Variants in ADAM12 observed in about 807,000 individuals in gnomAD.
ADAM12 encodes the protein disintegrin and metalloproteinase domain-containing protein 12.
In ADAM12, 70 loss-of-function variants were observed where a neutral mutation model predicts 106.4. The ratio of observed to expected loss-of-function variants is 0.66; its 90% CI spans 0.54 to 0.80. The LOEUF (loss-of-function observed/expected upper bound fraction) is 0.80, where lower values mean the gene tolerates loss of function less well. Among genes scored for constraint, ADAM12 ranks in the 30% least tolerant of loss-of-function variants. The pLI is 0.00. For missense variants in ADAM12, 1,010 were observed against 1,171.9 expected, an observed-to-expected ratio of 0.86 and a Z score of 2.02; for synonymous variants, 420 against 433.5, an observed-to-expected ratio of 0.97 and a Z score of 0.39.
chr10:126,211,929 C>G (rs1404367320), intron 3 of ADAM12, among the ~76,000 whole-genome samples: 2 of 152,218 alleles, frequency 1.3e-5, no homozygotes, highest in Non-Finnish European at 2.9e-5. Flanking sequence ...TTACTTGAAA[C>G]AAATCTGTCC....
intron 6 of ADAM12, among the ~76,000 whole-genome samples, chr10:126,117,167 T>C (rs895422540): frequency 6.6e-6 from 1 of 152,236 alleles, no homozygotes; most frequent in African/African-American, 2.4e-5. Flanking sequence ...TCCAGCCAAA[T>C]GTTGGGAACG....
chr10:126,220,424 C>G (rs968623071), intron 3 of ADAM12, among the ~76,000 whole-genome samples: 1 of 152,042 alleles, frequency 6.6e-6, no homozygotes, highest in Non-Finnish European at 1.5e-5. Flanking sequence ...TTTGTTGTGC[C>G]TGGAGAGGAG....
At chr10:126,149,283 C>T (rs1956686763) in intron 4 of ADAM12, among the ~76,000 whole-genome samples, 1 of 152,224 alleles carries the variant, frequency 6.6e-6, no homozygotes, top group Non-Finnish European at 1.5e-5. Flanking sequence ...GGGCTGTTTA[C>T]TAAGATGCCT....
intron 1 of ADAM12, among the ~76,000 whole-genome samples, chr10:126,366,458 TA>T (rs74764346): frequency 0.15 from 22,849 of 151,286 alleles, 2,062 homozygotes; most frequent in Middle Eastern, 0.28. Flanking sequence ...GAACTACAGC[TA>T]AAAAAGGGAA....
chr10:126,179,212 G>A (rs1590569651), intron 3 of ADAM12, among the ~76,000 whole-genome samples: 1 of 152,300 alleles, frequency 6.6e-6, no homozygotes, highest in Admixed American at 6.5e-5. Flanking sequence ...TAAGTGAAGC[G>A]GGTTAGCTGC....
intron 6 of ADAM12, among the ~76,000 whole-genome samples, chr10:126,117,394 G>A (rs1956003629): frequency 6.6e-6 from 1 of 152,160 alleles, no homozygotes; most frequent in South Asian, 2.1e-4. Context: ...GCAGATCCAG[G>A]GGCTGGTGGC....
At chr10:126,080,108 G>A (rs1163981040) in intron 11 of ADAM12, among the ~76,000 whole-genome samples, 2 of 152,196 alleles carry the variant, frequency 1.3e-5, no homozygotes, top group Non-Finnish European at 2.9e-5. Context: ...TGAACAGAGT[G>A]ATGTTTCCCT....
chr10:126,273,515 T>C (rs1347217323), intron 3 of ADAM12: 1 of 151,632 alleles, frequency 6.6e-6, no homozygotes, highest in African/African-American at 2.4e-5. Context: ...AGAGAAGAAG[T>C]AAAAGGGAAT....
At chr10:126,192,857 T>G (rs1957528459) in intron 3 of ADAM12, among the ~76,000 whole-genome samples, 1 of 152,246 alleles carries the variant, frequency 6.6e-6, no homozygotes, top group Non-Finnish European at 1.5e-5. Context: ...AGCTGCGGGT[T>G]TCTACCATGT....
intron 3 of ADAM12, among the ~76,000 whole-genome samples, chr10:126,159,969 C>G (rs539529823): frequency 6.6e-6 from 1 of 152,188 alleles, no homozygotes; most frequent in South Asian, 2.1e-4. Flanking sequence ...GCTTACAGCC[C>G]TGACCATGTC....
At chr10:126,196,714 A>C (rs746979316) in intron 3 of ADAM12, among the ~76,000 whole-genome samples, 13 of 152,206 alleles carry the variant, frequency 8.5e-5, no homozygotes, top group Non-Finnish European at 1.5e-4. Context: ...TTGTGTAGTA[A>C]AAGTCATAGT....
chr10:126,137,869 T>C (rs1956435288), intron 4 of ADAM12, among the ~76,000 whole-genome samples: 1 of 152,256 alleles, frequency 6.6e-6, no homozygotes, highest in Non-Finnish European at 1.5e-5. Flanking sequence ...TGTAAGGATG[T>C]GTTTCCAGTT....
Position 126,049,565 on chromosome 10 carries a change from T to C in ADAM12, c.1714A>G (p.Met572Val), listed in dbSNP as rs1261267288. ...CAGGATGTCTGGATTCCATACCTCA[T>C]CTCGCATTTGGCAAAGGAACTCTTC... ...VSKSSFAKCE[M>V]RDAKCGKIQC... Residue 572 changes from methionine (M) to valine (V), a missense_variant, in exon 15 of 23, where the codon ATG becomes GTG. Met to Val is a conservative substitution (Grantham distance 21). This residue lies in a region of ADAM12 where 615 missense variants were observed against 708.5 expected (regional missense o/e 0.87). Coordinates refer to ENST00000448723, the MANE Select transcript of ADAM12 (RefSeq NM_001288973.2). The surrounding 1 kb of genome is among the most constrained non-coding windows in gnomAD (Gnocchi z 4.4). 1 of 1,614,042 alleles carries C rather than the reference T, an allele frequency of 6.2e-7. No homozygotes were observed. The highest frequency in any genetic ancestry group is 1.7e-5 in the Admixed American group (1 of 60,004).
At position 126,064,754 on chromosome 10, in the gene ADAM12, G is replaced by A. The variant is rs1954829593; in HGVS notation, c.1609+52C>T. On this transcript the variant is annotated intron_variant, in intron 14 of 22. Coordinates refer to ENST00000448723, the MANE Select transcript of ADAM12 (RefSeq NM_001288973.2). The surrounding 1 kb of genome is among the most constrained non-coding windows in gnomAD (Gnocchi z 4.4). Reference sequence around the variant, plus strand: ...CAGAGCACATGCCCCCAGTCCCACAGCCCAGGTCTGCCAGTGCCTCTCCTG... The same window carrying A: ...CAGAGCACATGCCCCCAGTCCCACAACCCAGGTCTGCCAGTGCCTCTCCTG... 6.5e-7 allele frequency: 1 copy of A among 1,530,530 alleles called. No homozygotes were observed. The highest frequency in any genetic ancestry group is 8.8e-7 in the Non-Finnish European group (1 of 1,137,334). 94.8% of individuals were successfully genotyped at this position (1,530,530 alleles called of 1,614,324 possible).
chr10:126,050,458 A>G (rs1164953675), intron 14 of ADAM12, among the ~76,000 whole-genome samples: 1 of 152,242 alleles, frequency 6.6e-6, no homozygotes, highest in African/African-American at 2.4e-5. Flanking sequence ...AAAACATGCC[A>G]CATTCTTTAG....
At chr10:126,103,559 A>G (rs80086418) in intron 8 of ADAM12, among the ~76,000 whole-genome samples, 4,771 of 152,328 alleles carry the variant, frequency 0.031, 167 homozygotes, top group East Asian at 0.083. Context: ...TTAAGATTGC[A>G]ACTCCATGGC....
intron 11 of ADAM12, among the ~76,000 whole-genome samples, chr10:126,080,074 A>G (rs1955183328): frequency 6.6e-6 from 1 of 152,268 alleles, no homozygotes; most frequent in Non-Finnish European, 1.5e-5. Flanking sequence ...CACAGTAATT[A>G]AAGTGTAGGA....
intron 3 of ADAM12, among the ~76,000 whole-genome samples, chr10:126,157,558 C>T (rs536934436): frequency 6.6e-6 from 1 of 152,330 alleles, no homozygotes; most frequent in African/African-American, 2.4e-5. Flanking sequence ...AGTTAGACCC[C>T]GATGGCAGGT....
chr10:126,049,073 C>A lies in ADAM12; in HGVS notation c.1917+180G>T, dbSNP rs1364352144. Among the ~76,000 whole-genome samples the A allele has an allele frequency of 2.0e-5, 3 of 152,172 alleles. No homozygotes were observed. Among genetic ancestry groups the A allele is most frequent in the African/African-American group, 7.2e-5 (3 of 41,442 alleles). On this transcript the variant is annotated intron_variant, in intron 16 of 22. Transcript: ENST00000448723. This position sits in a 1 kb window ranked among gnomAD's most constrained non-coding sequence, Gnocchi z 4.4. ...CTAAGAAGACAGGCTTGATTTTTCC[C>A]CAATCTGCATTTTAATAGTCAGACC...
Sources: allele counts gnomAD v4.1 joint callset (sites outside exome capture counted in the v4.1 genomes callset), GRCh38; gene constraint gnomAD v4.1.1; regional missense constraint gnomAD v4.1.1; non-coding constraint Gnocchi (gnomAD v3.1); transcripts MANE v1.5; gene names NCBI Gene and HGNC (gene_info 2026-07-23, HGNC 2026-07-21).